MARCHF11: variants seen among roughly 807,000 people sequenced by gnomAD.
MARCHF11 encodes the protein membrane associated ring-CH-type finger 11, also known as E3 ubiquitin-protein ligase MARCHF11.
Under a neutral mutation model 37.3 loss-of-function variants are expected in MARCHF11, and 29 were observed. That is an observed-to-expected ratio of 0.78 (90% CI 0.58 to 1.06). The LOEUF is 1.06. Ranked by LOEUF, MARCHF11 falls within the 50% of genes least tolerant of loss-of-function variation. The pLI is 0.00. For synonymous variants in MARCHF11, 233 were observed against 228.0 expected (o/e 1.02, Z -0.20); for missense variants, 482 against 533.4 (o/e 0.90, Z 0.95).
At chr5:16,165,039 C>T (rs990932138) in intron 2 of MARCHF11, among the ~76,000 whole-genome samples, 2 of 152,044 alleles carry the variant, frequency 1.3e-5, no homozygotes, top group Non-Finnish European at 2.9e-5. Context: ...CAAAGCTGTC[C>T]AGCCACATGG....
chr5:16,155,640 T>C (rs556716779), intron 2 of MARCHF11, among the ~76,000 whole-genome samples: 75 of 152,002 alleles, frequency 4.9e-4, no homozygotes, highest in African/African-American at 1.7e-3. Context: ...GAGGTCTGAC[T>C]GATCTTGTAA....
In MARCHF11 at chr5:16,177,961, C is replaced by A. The variant is rs546220883; in HGVS notation, c.538-80G>T. The A allele has an allele frequency of 4.3e-6, 6 of 1,399,400 alleles. No individual in the cohort carries two copies. In the South Asian group the frequency reaches 6.3e-5, roughly 15 times the overall value. 86.7% of individuals were successfully genotyped at this position (1,399,400 alleles called of 1,614,324 possible). A position where few individuals can be genotyped will look rare whatever the true frequency, so the allele number is the denominator to read the frequency against. ...ACCTAATGCTTCCTTTCTTTTCTTTCAAAGCCATTTACTCAGGATACAGCA... is the reference window on the plus strand; with the variant it reads ...ACCTAATGCTTCCTTTCTTTTCTTTAAAAGCCATTTACTCAGGATACAGCA... On this transcript the variant is annotated intron_variant, in intron 1 of 3. Transcript: ENST00000332432.
chr5:16,071,080 C>T (rs1035448878), intron 3 of MARCHF11, among the ~76,000 whole-genome samples: 45 of 152,138 alleles, frequency 3.0e-4, no homozygotes, highest in African/African-American at 1.1e-3. Flanking sequence ...TGTTGAAAAT[C>T]CAGCTTTTAA....
intron 2 of MARCHF11, among the ~76,000 whole-genome samples, chr5:16,132,432 AC>A (rs759510307): frequency 5.9e-5 from 9 of 152,148 alleles, no homozygotes; most frequent in Non-Finnish European, 1.0e-4. Flanking sequence ...TTCCTCCTTA[AC>A]ATGGACCTCA....
intron 2 of MARCHF11, among the ~76,000 whole-genome samples, chr5:16,136,637 C>G: frequency 6.6e-6 from 1 of 152,110 alleles, no homozygotes; most frequent in South Asian, 2.1e-4. Context: ...ACTAACAAAA[C>G]TTGGAGGTAC....
chr5:16,177,944 C>T, intron 1 of MARCHF11, 63 bp from the exon 2 acceptor site: 5 of 1,466,534 alleles, frequency 3.4e-6, no homozygotes. Context: ...AAACCTAATG[C>T]TTCCTTTCTT....
At chr5:16,111,156 G>C (rs1423635232) in intron 2 of MARCHF11, among the ~76,000 whole-genome samples, 1 of 152,108 alleles carries the variant, frequency 6.6e-6, no homozygotes, top group Non-Finnish European at 1.5e-5. Context: ...ACAGTAAATT[G>C]GTACTGGTAG....
intron 2 of MARCHF11, among the ~76,000 whole-genome samples, chr5:16,151,252 T>C (rs1279578889): frequency 6.6e-6 from 1 of 152,050 alleles, no homozygotes; most frequent in African/African-American, 2.4e-5. Context: ...ATAATTTACA[T>C]AGTCATTCAC....
At chr5:16,148,060 C>A (rs1206199041) in intron 2 of MARCHF11, among the ~76,000 whole-genome samples, 1 of 152,110 alleles carries the variant, frequency 6.6e-6, no homozygotes, top group African/African-American at 2.4e-5. Flanking sequence ...TGTTTTTCTT[C>A]ATCTTCTGCC....
rs1738206685 is a variant in MARCHF11, at chr5:16,168,441, A to G, written c.693+9285T>C. Among the ~76,000 whole-genome samples the G allele has an allele frequency of 2.6e-5, 4 of 152,138 alleles. No homozygotes were observed. The South Asian group carries it at 6.2e-4, about 24-fold the overall frequency. On this transcript the variant is annotated intron_variant, in intron 2 of 3. Coordinates refer to ENST00000332432, the MANE Select transcript of MARCHF11 (RefSeq NM_001102562.3). The stretch of plus-strand genomic sequence containing the variant: ...TTAATGTCTTTCAATTACTTCTCAA[A>G]TTGCTGAAAACCTTGTCCAGATTTG...
rs993175128 is a variant in MARCHF11, at chr5:16,179,642, A to C, written c.-67T>G. The C allele has an allele frequency of 2.3e-5, 22 of 939,208 alleles. No homozygotes were observed. In the African/African-American group the frequency reaches 4.4e-4, roughly 19 times the overall value. The allele number at this position is 939,208 out of a possible 1,614,324, so 58.2% of individuals were successfully genotyped here. A position where few individuals can be genotyped will look rare whatever the true frequency, so the allele number is the denominator to read the frequency against. On this transcript the variant is annotated 5_prime_UTR_variant, in exon 1 of 4. Coordinates refer to ENST00000332432, the MANE Select transcript of MARCHF11 (RefSeq NM_001102562.3). ...CCGGGCTCTGGCTGCAGGGAAAGAGAGCGCGGAGGGGGCGGGAGGGAGAGG... is the reference window on the plus strand; with the variant it reads ...CCGGGCTCTGGCTGCAGGGAAAGAGCGCGCGGAGGGGGCGGGAGGGAGAGG...
At chr5:16,099,407 T>A (rs1736919889) in intron 2 of MARCHF11, among the ~76,000 whole-genome samples, 1 of 152,184 alleles carries the variant, frequency 6.6e-6, no homozygotes, top group Non-Finnish European at 1.5e-5. Context: ...ATGCAAACTA[T>A]CACTTTGTTG....
At chr5:16,136,773 G>T (rs749752947) in intron 2 of MARCHF11, among the ~76,000 whole-genome samples, 2 of 152,072 alleles carry the variant, frequency 1.3e-5, no homozygotes, top group Admixed American at 6.6e-5. Flanking sequence ...AAAGTAAATA[G>T]CAGGATAGCT....
At chr5:16,090,055 TTCCTAATTCAGTAGA>T (rs1736766751) in intron 3 of MARCHF11, among the ~76,000 whole-genome samples, 1 of 152,064 alleles carries the variant, frequency 6.6e-6, no homozygotes, top group Non-Finnish European at 1.5e-5. Flanking sequence ...ACCCCTGATG[TTCCTAATTCAGTAGA>T]TCTGGGTGGA....
At chr5:16,081,583 C>T (rs533949707) in intron 3 of MARCHF11, among the ~76,000 whole-genome samples, 53 of 152,336 alleles carry the variant, frequency 3.5e-4, no homozygotes, top group African/African-American at 1.2e-3. Flanking sequence ...ACCACTATCC[C>T]GCACTCCAGG....
intron 2 of MARCHF11, among the ~76,000 whole-genome samples, chr5:16,111,840 T>C: frequency 6.6e-6 from 1 of 152,098 alleles, no homozygotes. Context: ...ACCCCCATGA[T>C]GTGTGCAGTC....
rs116193245 is a variant in MARCHF11 at position 16,080,372 on chromosome 5, G to A, written c.886+10517C>T. Among the ~76,000 whole-genome samples, 364 of 151,876 alleles carry A rather than the reference G, an allele frequency of 2.4e-3. 2 individuals are homozygous for A. The highest frequency in any genetic ancestry group is 8.3e-3 in the African/African-American group (344 of 41,396). The stretch of plus-strand genomic sequence containing the variant: ...TCCCTCCCCTTCCTGTTTCTCCACC[G>A]TGTTCCCCAAACTGCTGCTCCTCTC... On this transcript the variant is annotated intron_variant, in intron 3 of 3. Coordinates refer to ENST00000332432, the MANE Select transcript of MARCHF11 (RefSeq NM_001102562.3).
chr5:16,130,639 C>T (rs924270657), intron 2 of MARCHF11, among the ~76,000 whole-genome samples: 22 of 152,046 alleles, frequency 1.4e-4, no homozygotes, highest in Admixed American at 1.2e-3. Context: ...ACAAAAATAG[C>T]AATTTTATCA....
intron 3 of MARCHF11, among the ~76,000 whole-genome samples, chr5:16,079,307 A>G (rs536007419): frequency 8.6e-5 from 13 of 151,784 alleles, no homozygotes; most frequent in Admixed American, 5.9e-4. Flanking sequence ...ACCCACTTCC[A>G]CCTCCTAAAG....
Sources: gnomAD v4.1 joint callset for allele counts (sites outside exome capture counted in the v4.1 genomes callset) on GRCh38, gnomAD v4.1.1 for gene constraint, MANE v1.5 for transcripts, NCBI Gene and HGNC (gene_info 2026-07-23, HGNC 2026-07-21) for gene names.